Variants in TTC39A observed in about 807,000 individuals in gnomAD.
The protein encoded by TTC39A is tetratricopeptide repeat protein 39A.
Under a neutral mutation model 82.3 loss-of-function variants are expected in TTC39A, and 46 were observed. The ratio of observed to expected loss-of-function variants is 0.56; its 90% CI spans 0.44 to 0.71. TTC39A has a LOEUF of 0.71. TTC39A is among the 30% of genes least tolerant of loss of function. TTC39A has a pLI of 0.00. For synonymous variants in TTC39A, 254 were observed against 275.2 expected (o/e 0.92, Z 0.76); for missense variants, 543 against 712.9 (o/e 0.76, Z 2.71).
chr1:51,290,668 T>C, intron 14 of TTC39A, 43 bp from the exon 15 acceptor site: 1 of 1,540,448 alleles, frequency 6.5e-7, no homozygotes, highest in Non-Finnish European at 8.9e-7. Context: ...TCTTCCCTAA[T>C]GGGGCCTCAG....
At chr1:51,304,857 A>G (rs952360500) in intron 8 of TTC39A, among the ~76,000 whole-genome samples, 4 of 152,192 alleles carry the variant, frequency 2.6e-5, no homozygotes, top group Non-Finnish European at 4.4e-5. Flanking sequence ...ACACCCACCC[A>G]GAGCCTCTGC....
chr1:51,295,928 A>G (rs1644399049), intron 13 of TTC39A, 151 bp downstream of exon 13: 1 of 737,288 alleles, frequency 1.4e-6, no homozygotes, highest in Admixed American at 2.1e-5. Flanking sequence ...AGGGGAGGAC[A>G]CGCAGGGGGG....
chr1:51,342,984 TGA>T (rs1469878465), intron 1 of TTC39A: 3 of 452,240 alleles, frequency 6.6e-6, no homozygotes, highest in East Asian at 1.4e-4. Flanking sequence ...CCCTGCACAC[TGA>T]GAGGTGTGTA....
chr1:51,309,781 G>C (rs1189046657), intron 5 of TTC39A, among the ~76,000 whole-genome samples: 1 of 152,128 alleles, frequency 6.6e-6, no homozygotes, highest in Non-Finnish European at 1.5e-5. Context: ...GTTCATGATA[G>C]CCAAGAAACA....
upstream of TTC39A, chr1:51,330,923 A>G (rs556510847): frequency 1.1e-4 from 70 of 613,594 alleles, 1 homozygote; most frequent in Admixed American, 1.1e-3. This position sits in a 1 kb window ranked among gnomAD's most constrained non-coding sequence, Gnocchi z 4.5. Flanking sequence ...TCCCGCATTA[A>G]TGGGGGCATT....
intron 11 of TTC39A, chr1:51,302,085 GCACCTCCCTC>G (rs71578067): frequency 3.3e-5 from 24 of 720,154 alleles, no homozygotes; most frequent in Middle Eastern, 2.3e-4. Context: ...CCTCCCTCAA[GCACCTCCCTC>G]CACCTCCCTC....
intron 11 of TTC39A, 195 bp from the exon 12 acceptor site, chr1:51,301,928 A>G (rs1644674685): frequency 1.1e-5 from 8 of 725,704 alleles, no homozygotes; most frequent in Middle Eastern, 3.5e-4. Context: ...TAAGTCTTAC[A>G]TGACGTTGGG....
rs1645517221 is a variant in TTC39A, at chr1:51,321,524, A to C, written c.146+197T>G. 6.6e-6 allele frequency among the ~76,000 whole-genome samples: 1 copy of C among 152,246 alleles called. No individual in the cohort carries two copies. Among genetic ancestry groups the C allele is most frequent in the African/African-American group, 2.4e-5 (1 of 41,462 alleles). On this transcript the variant is annotated intron_variant, in intron 2 of 17. Coordinates refer to ENST00000680483, the MANE Select transcript of TTC39A (RefSeq NM_001297663.2). The surrounding 1 kb of genome is among the most constrained non-coding windows in gnomAD (Gnocchi z 4.6). ...TCAAGAGCCTAAGAAGAAGCAAGTC[A>C]CAGTGACCTTGGAGAGGGCCTGGCT...
At chr1:51,302,706 C>G in intron 9 of TTC39A, 133 bp from the exon 10 acceptor site, 2 of 984,480 alleles carry the variant, frequency 2.0e-6, no homozygotes, top group Admixed American at 4.1e-5. Flanking sequence ...CTCCCTGTCC[C>G]TAGGGTGACA....
Position 51,294,162 on chromosome 1 carries a change from C to T in TTC39A, c.1266+229G>A, listed in dbSNP as rs1644324551. Reference sequence around the variant, plus strand: ...GGGGCTCTCTGTCCAGGAGGGTGTCCCTCTCTGCCTTTTATCTGCAGCCTG... The same window carrying T: ...GGGGCTCTCTGTCCAGGAGGGTGTCTCTCTCTGCCTTTTATCTGCAGCCTG... On this transcript the variant is annotated intron_variant, in intron 14 of 17. Transcript: ENST00000680483. This position sits in a 1 kb window ranked among gnomAD's most constrained non-coding sequence, Gnocchi z 4.3. 6.6e-6 allele frequency among the ~76,000 whole-genome samples: 1 copy of T among 152,106 alleles called. No homozygotes were observed. The highest frequency in any genetic ancestry group is 2.4e-5 in the African/African-American group (1 of 41,434).
At chr1:51,308,446 G>T (rs2148210706) in intron 6 of TTC39A, among the ~76,000 whole-genome samples, 1 of 152,238 alleles carries the variant, frequency 6.6e-6, no homozygotes, top group South Asian at 2.1e-4. Flanking sequence ...CACCAGGTTG[G>T]TCAGGCTGGT....
At chr1:51,339,555 G>T (rs1187566622) in intron 1 of TTC39A, among the ~76,000 whole-genome samples, 1 of 152,180 alleles carries the variant, frequency 6.6e-6, no homozygotes, top group Non-Finnish European at 1.5e-5. Context: ...CTCCTTCCAG[G>T]ATGGCTGAGG....
At chr1:51,319,685 T>C (rs1392989747) in intron 2 of TTC39A, among the ~76,000 whole-genome samples, 4 of 151,682 alleles carry the variant, frequency 2.6e-5, no homozygotes, top group Non-Finnish European at 4.4e-5. Context: ...TTTCTTTTTT[T>C]TCTTTTTCTT....
chr1:51,311,259 G>T lies in TTC39A; in HGVS notation c.418C>A (p.Leu140Met). ...CLLQRAALTF[L>M]QDENMVSFIK... ...GTACAAGTGGGGGTCCCTACCTGCAGGAAGGTCAGGGCTGCTCGCTGCAGC... is the reference window on the plus strand; with the variant it reads ...GTACAAGTGGGGGTCCCTACCTGCATGAAGGTCAGGGCTGCTCGCTGCAGC... Residue 140 changes from leucine to methionine, a missense_variant, in exon 5 of 18, where the codon CTG becomes ATG. Physicochemically the swap from Leu to Met is conservative, Grantham distance 15. Transcript: ENST00000680483. The T allele has an allele frequency of 6.3e-7, 1 of 1,581,484 alleles. No individual in the cohort carries two copies.
chr1:51,304,125 C>A (rs1181518044), intron 8 of TTC39A, among the ~76,000 whole-genome samples: 1 of 152,196 alleles, frequency 6.6e-6, no homozygotes, highest in East Asian at 1.9e-4. Context: ...CCCGCTTTCT[C>A]AGAAAGAGGA....
intron 3 of TTC39A, 80 bp from the exon 4 acceptor site, chr1:51,312,275 G>T: frequency 7.5e-7 from 1 of 1,330,822 alleles, no homozygotes; most frequent in Non-Finnish European, 1.0e-6. Flanking sequence ...CTACACCCTA[G>T]AACATTCCTA....
intron 6 of TTC39A, among the ~76,000 whole-genome samples, chr1:51,306,989 A>T (rs924360814): frequency 6.6e-6 from 1 of 151,976 alleles, no homozygotes; most frequent in African/African-American, 2.4e-5. Context: ...GAAATCTGGT[A>T]CAGAAAGCCC....
intron 1 of TTC39A, among the ~76,000 whole-genome samples, chr1:51,337,415 T>C (rs1645988418): frequency 6.6e-6 from 1 of 151,512 alleles, no homozygotes; most frequent in Non-Finnish European, 1.5e-5. Context: ...TCCCTGACTA[T>C]TCTGTTTAAT....
chr1:51,338,583 C>T (rs61782070), intron 1 of TTC39A, among the ~76,000 whole-genome samples: 10,470 of 145,880 alleles, frequency 0.072, 389 homozygotes, highest in East Asian at 0.12. Context: ...GCAGCGCTGT[C>T]GAGTGGAGAT....
Sources: allele counts gnomAD v4.1 joint callset (sites outside exome capture counted in the v4.1 genomes callset), GRCh38; gene constraint gnomAD v4.1.1; non-coding constraint Gnocchi (gnomAD v3.1); transcripts MANE v1.5; gene names NCBI Gene and HGNC (gene_info 2026-07-23, HGNC 2026-07-21).